Variants in FANCL observed in about 807,000 individuals in gnomAD.
FANCL encodes E3 ubiquitin-protein ligase FANCL.
A neutral mutation model predicts 59.4 loss-of-function variants in FANCL; 69 were observed. The ratio of observed to expected loss-of-function variants is 1.16; its 90% CI spans 0.96 to 1.42. The LOEUF (loss-of-function observed/expected upper bound fraction) is 1.42. Ranked by LOEUF, FANCL falls within the 40% of genes most tolerant of loss-of-function variation. The pLI is 0.00. For synonymous variants in FANCL, 180 were observed against 147.1 expected, an observed-to-expected ratio of 1.22 and a Z score of -1.62; for missense variants, 519 against 447.2, an observed-to-expected ratio of 1.16 and a Z score of -1.45.
At chr2:58,175,009 T>C (rs1315454010) in intron 7 of FANCL, among the ~76,000 whole-genome samples, 1 of 152,048 alleles carries the variant, frequency 6.6e-6, no homozygotes, top group East Asian at 1.9e-4. Flanking sequence ...TAAACACCTC[T>C]ATGCAAATAA....
At chr2:58,175,193 TCTAC>T (rs760336067) in intron 7 of FANCL, among the ~76,000 whole-genome samples, 2 of 147,780 alleles carry the variant, frequency 1.4e-5, no homozygotes, top group Non-Finnish European at 3.0e-5. Flanking sequence ...ACAGCCGAAT[TCTAC>T]CAGAGGTACA....
chr2:58,231,807 A>G (rs1439447902), intron 2 of FANCL, among the ~76,000 whole-genome samples: 1 of 152,236 alleles, frequency 6.6e-6, no homozygotes, highest in Non-Finnish European at 1.5e-5. Flanking sequence ...AAGTGTACAC[A>G]ATGGCTGTTT....
intron 1 of FANCL, among the ~76,000 whole-genome samples, chr2:58,240,483 A>G (rs1227731952): frequency 6.6e-6 from 1 of 152,228 alleles, no homozygotes; most frequent in Non-Finnish European, 1.5e-5. Flanking sequence ...TCATCAGCAA[A>G]TAACGTCTCC....
chr2:58,212,196 G>A (rs531485365), intron 5 of FANCL, among the ~76,000 whole-genome samples: 2 of 152,174 alleles, frequency 1.3e-5, no homozygotes, highest in African/African-American at 4.8e-5. Flanking sequence ...AGGCAAAGAG[G>A]AGCAAGTCCC....
chr2:58,216,916 A>G (rs1201461129), intron 5 of FANCL, among the ~76,000 whole-genome samples: 1 of 151,034 alleles, frequency 6.6e-6, no homozygotes, highest in Non-Finnish European at 1.5e-5. Flanking sequence ...TGACCCCCCA[A>G]TCCTTTTTCC....
chr2:58,222,089 T>A (rs370362904), intron 4 of FANCL, 47 bp from the exon 5 acceptor site: 52 of 1,331,354 alleles, frequency 3.9e-5, no homozygotes, highest in Non-Finnish European at 5.0e-5. Context: ...CGCAAGACAA[T>A]GAACTGTTAA....
At chr2:58,217,169 TATA>T (rs1691845187) in intron 5 of FANCL, among the ~76,000 whole-genome samples, 1 of 27,506 alleles carries the variant, frequency 3.6e-5, no homozygotes, top group Admixed American at 5.3e-4. Flanking sequence ...ATATATTTTA[TATA>T]TATATATATA....
At position 58,228,893 on chromosome 2, in the gene FANCL, C is replaced by T. The variant is rs142307707; in HGVS notation, c.216+921G>A. On this transcript the variant is annotated intron_variant, in intron 3 of 13. Coordinates refer to ENST00000233741, the MANE Select transcript of FANCL (RefSeq NM_018062.4). Reference sequence around the variant, plus strand: ...ACTACATAAACCATTTTTTCCCATGCTATTTCAATATGTCAACAGATGCAT... The same window carrying T: ...ACTACATAAACCATTTTTTCCCATGTTATTTCAATATGTCAACAGATGCAT... Among the ~76,000 whole-genome samples the T allele has an allele frequency of 5.1e-3, 771 of 152,080 alleles. 7 individuals are homozygous for T. Among genetic ancestry groups the T allele is most frequent in the South Asian group, 0.024 (115 of 4,812 alleles).
intron 7 of FANCL, among the ~76,000 whole-genome samples, chr2:58,196,656 A>T (rs1005515181): frequency 4.6e-5 from 7 of 152,022 alleles, no homozygotes; most frequent in Non-Finnish European, 1.0e-4. Context: ...AGAGAGTCAC[A>T]AACTGATTTT....
chr2:58,183,156 A>G (rs1269541921), intron 7 of FANCL, among the ~76,000 whole-genome samples: 1 of 151,906 alleles, frequency 6.6e-6, no homozygotes, highest in Non-Finnish European at 1.5e-5. Flanking sequence ...GATACCCTTA[A>G]TATATATAAG....
Position 58,198,575 on chromosome 2 carries a change from T to C in FANCL, c.540+19A>G. ...AATTACTTAAAACAAATTTAAGAAT[T>C]TACCTGAGGAGAATTTACCTGAGGT... On this transcript the variant is annotated intron_variant, in intron 7 of 13. Coordinates refer to ENST00000233741, the MANE Select transcript of FANCL (RefSeq NM_018062.4). The C allele has an allele frequency of 6.2e-7, 1 of 1,602,942 alleles. No individual in the cohort carries two copies.
chr2:58,167,027 T>G (rs1281643596), intron 7 of FANCL, among the ~76,000 whole-genome samples: 1 of 152,120 alleles, frequency 6.6e-6, no homozygotes, highest in African/African-American at 2.4e-5. Context: ...TCCTGGCCAA[T>G]AAGGTGAAAC....
chr2:58,218,230 AT>A (rs1458952595), intron 5 of FANCL, among the ~76,000 whole-genome samples: 1 of 152,074 alleles, frequency 6.6e-6, no homozygotes, highest in Non-Finnish European at 1.5e-5. Context: ...CTGGAAAAAA[AT>A]CAATGACCTA....
intron 5 of FANCL, among the ~76,000 whole-genome samples, chr2:58,215,698 A>C (rs897337113): frequency 1.4e-5 from 2 of 140,690 alleles, no homozygotes; most frequent in Non-Finnish European, 3.0e-5. Context: ...AGCTGCTATT[A>C]AGTGGCAAAA....
chr2:58,179,533 T>C (rs184032917), intron 7 of FANCL, among the ~76,000 whole-genome samples: 22 of 152,316 alleles, frequency 1.4e-4, no homozygotes, highest in Admixed American at 1.2e-3. Context: ...GCTAGCCATA[T>C]GCAGAAAACT....
chr2:58,161,454 T>C, intron 12 of FANCL, 68 bp downstream of exon 12: 1 of 1,007,852 alleles, frequency 9.9e-7, no homozygotes, highest in South Asian at 1.3e-5. Context: ...ATTCTGTGTA[T>C]TTCAAACAGG....
intron 3 of FANCL, among the ~76,000 whole-genome samples, chr2:58,229,377 T>TA (rs1433329793): frequency 6.6e-6 from 1 of 152,178 alleles, no homozygotes; most frequent in Non-Finnish European, 1.5e-5. Flanking sequence ...AAGCAGCCTT[T>TA]AATTTATCTC....
At chr2:58,169,417 C>G (rs933123564) in intron 7 of FANCL, among the ~76,000 whole-genome samples, 5 of 152,062 alleles carry the variant, frequency 3.3e-5, no homozygotes, top group Admixed American at 1.3e-4. Context: ...ATATCAAAGA[C>G]CAAACGTAGA....
rs1046921367 is a variant in FANCL, at chr2:58,159,364, A to G, written c.*401T>C. 1 of 1,607,164 alleles carries G rather than the reference A, an allele frequency of 6.2e-7. No individual in the cohort carries two copies. The highest frequency in any genetic ancestry group is 1.7e-5 in the Admixed American group (1 of 58,450). ...TTTTCCATAGGAAAGCACAAGGAGA[A>G]GACAGAAATATCAAGAGTCTCAAGA... On this transcript the variant is annotated 3_prime_UTR_variant, in exon 14 of 14. Transcript: ENST00000233741.
Sources: allele counts gnomAD v4.1 joint callset (sites outside exome capture counted in the v4.1 genomes callset), GRCh38; gene constraint gnomAD v4.1.1; transcripts MANE v1.5; gene names NCBI Gene and HGNC (gene_info 2026-07-23, HGNC 2026-07-21).